ZSCAN18: variants seen among roughly 807,000 people sequenced by gnomAD.
ZSCAN18 encodes zinc finger and SCAN domain-containing protein 18.
In ZSCAN18, 16 loss-of-function variants were observed where a neutral mutation model predicts 31.1. The observed-to-expected ratio is 0.51, with a 90% CI of 0.35 to 0.78. The LOEUF is 0.78. ZSCAN18 is among the 30% of genes least tolerant of loss of function. ZSCAN18 has a pLI of 0.01. For synonymous variants in ZSCAN18, 375 were observed against 320.7 expected, an observed-to-expected ratio of 1.17 and a Z score of -1.81; for missense variants, 731 against 697.4, an observed-to-expected ratio of 1.05 and a Z score of -0.54.
chr19:58,085,411 C>T, intron 6 of ZSCAN18, 32 bp from the exon 7 acceptor site: 1 of 1,530,668 alleles, frequency 6.5e-7, no homozygotes, highest in Non-Finnish European at 8.7e-7. Flanking sequence ...AGCGTGAGCG[C>T]CCCGCCCAGG....
At chr19:58,106,518 C>T (rs866710525) in intron 1 of ZSCAN18, among the ~76,000 whole-genome samples, 1 of 28,404 alleles carries the variant, frequency 3.5e-5, no homozygotes, top group Non-Finnish European at 1.2e-4. Context: ...CCGGCTAAAA[C>T]GGTGAAACCC....
exon 1 of ZSCAN18, chr19:58,118,300 G>A (rs756071293): frequency 6.6e-7 from 1 of 1,512,612 alleles, no homozygotes; most frequent in Non-Finnish European, 8.9e-7. Context: ...ACCGGTGGGC[G>A]GGAACGGAGG....
intron 1 of ZSCAN18, chr19:58,108,598 C>T (rs1482978890): frequency 2.0e-5 from 20 of 985,478 alleles, no homozygotes; most frequent in South Asian, 1.9e-4. Flanking sequence ...GGTATAAGGG[C>T]TCTCTCCAGT....
intron 1 of ZSCAN18, among the ~76,000 whole-genome samples, chr19:58,097,123 T>C (rs1173167645): frequency 6.6e-6 from 1 of 151,938 alleles, no homozygotes; most frequent in African/African-American, 2.4e-5. Flanking sequence ...GGAGGTGACA[T>C]GGAACCAAGT....
chr19:58,117,037 G>C (rs1041381563), intron 1 of ZSCAN18, among the ~76,000 whole-genome samples: 2 of 152,076 alleles, frequency 1.3e-5, no homozygotes, highest in Admixed American at 6.6e-5. Context: ...AAAAGCGCGT[G>C]CTTTAGGGGA....
At position 58,104,389 on chromosome 19, in the gene ZSCAN18, AAACAAAACAAAAC is replaced by A. The variant is rs1482843172; in HGVS notation, c.130+13865_130+13877del. On this transcript the variant is annotated intron_variant, in intron 1 of 1. Transcript: ENST00000595721. The stretch of plus-strand genomic sequence containing the variant: ...GTGAGGCTGTCTCAAAAACAAAACA[AAACAAAACAAAAC>A]AAAAAAAAAGTCTGGGCCGGGTGTG... Among the ~76,000 whole-genome samples the A allele has an allele frequency of 9.3e-4, 124 of 132,984 alleles. 1 individual carries two copies. Among genetic ancestry groups the A allele is most frequent in the African/African-American group, 4.9e-3 (119 of 24,132 alleles). The allele number at this position is 132,984 out of a possible 152,430, so 87.2% of individuals were successfully genotyped here.
At chr19:58,085,530 T>C in intron 6 of ZSCAN18, 151 bp from the exon 7 acceptor site, 1 of 679,160 alleles carries the variant, frequency 1.5e-6, no homozygotes, top group Non-Finnish European at 2.4e-6. Flanking sequence ...GCGCTGTCCC[T>C]CCCAGGCAGC....
upstream of ZSCAN18, among the ~76,000 whole-genome samples, chr19:58,101,519 C>CTT (rs59435037): frequency 1.8e-4 from 10 of 55,410 alleles, no homozygotes; most frequent in East Asian, 2.0e-3. Context: ...TTATCTTCTT[C>CTT]TTTTTTTTTT....
chr19:58,092,272 C>T (rs2074428171), intron 1 of ZSCAN18, among the ~76,000 whole-genome samples: 1 of 151,982 alleles, frequency 6.6e-6, no homozygotes, highest in African/African-American at 2.4e-5. Context: ...GTTTAAAAAA[C>T]AAAACAAAAC....
chr19:58,097,395 C>A (rs1337665200), intron 1 of ZSCAN18, among the ~76,000 whole-genome samples: 1 of 151,856 alleles, frequency 6.6e-6, no homozygotes, highest in Non-Finnish European at 1.5e-5. Context: ...GGCCCCCACC[C>A]CAACCCCCTG....
In ZSCAN18 at chr19:58,087,543, T is replaced by C. The variant is rs879672958; in HGVS notation, c.554-139A>G. 8 of 703,708 alleles carry C rather than the reference T, an allele frequency of 1.1e-5. No homozygotes were observed. In the Admixed American group the frequency reaches 1.4e-4, roughly 12 times the overall value. 43.6% of individuals were successfully genotyped at this position (703,708 alleles called of 1,614,324 possible). A position where few individuals can be genotyped will look rare whatever the true frequency, so the allele number is the denominator to read the frequency against. Reference sequence around the variant, plus strand: ...GCAGCACCCAAGGCTCAACGGACACTACACCTTTCCCTGATTTACAAAGCA... The same window carrying C: ...GCAGCACCCAAGGCTCAACGGACACCACACCTTTCCCTGATTTACAAAGCA... On this transcript the variant is annotated intron_variant, in intron 3 of 6. Coordinates refer to ENST00000601144, the MANE Select transcript of ZSCAN18 (RefSeq NM_001145543.2).
chr19:58,115,178 C>T (rs2074719883), intron 1 of ZSCAN18, among the ~76,000 whole-genome samples: 1 of 152,208 alleles, frequency 6.6e-6, no homozygotes, highest in Non-Finnish European at 1.5e-5. Flanking sequence ...AACTGGCCCT[C>T]TAGCTGCTCC....
At chr19:58,092,123 G>A (rs1231194386) in intron 1 of ZSCAN18, among the ~76,000 whole-genome samples, 1 of 152,186 alleles carries the variant, frequency 6.6e-6, no homozygotes, top group Non-Finnish European at 1.5e-5. Context: ...GGGGGAATGA[G>A]GAGGGACTGC....
At chr19:58,103,021 C>T (rs2074607511), upstream of ZSCAN18, among the ~76,000 whole-genome samples, 1 of 151,928 alleles carries the variant, frequency 6.6e-6, no homozygotes, top group Non-Finnish European at 1.5e-5. Context: ...ACTTGGGAGG[C>T]CGAGGCAGCA....
chr19:58,095,656 G>T (rs540716256), intron 1 of ZSCAN18, among the ~76,000 whole-genome samples: 126 of 152,324 alleles, frequency 8.3e-4, no homozygotes, highest in African/African-American at 2.9e-3. Context: ...GCCATTGGCA[G>T]GGGCGGGATG....
Position 58,090,041 on chromosome 19 carries a change from T to C in ZSCAN18, c.227A>G (p.Gln76Arg). 1 of 1,613,982 alleles carries C rather than the reference T, an allele frequency of 6.2e-7. No individual in the cohort carries two copies. The highest frequency in any genetic ancestry group is 1.1e-5 in the South Asian group (1 of 91,082). Reference sequence around the variant, plus strand: ...GGAGCGCGCCTCAGGCATCAGCCACTGGCGGCACAGCTCATGCAGCCGGGC... The same window carrying C: ...GGAGCGCGCCTCAGGCATCAGCCACCGGCGGCACAGCTCATGCAGCCGGGC... ...TLARLHELCR[Q>R]WLMPEARSKE... Residue 76 changes from glutamine (Q) to arginine (R), a missense_variant, in exon 2 of 7, where the codon CAG becomes CGG. Physicochemically the swap from Gln to Arg is conservative, Grantham distance 43. This residue lies in a region of ZSCAN18 where 86 missense variants were observed against 119.1 expected (regional missense o/e 0.72). Transcript: ENST00000601144. The surrounding 1 kb of genome is among the most constrained non-coding windows in gnomAD (Gnocchi z 4.7).
chr19:58,085,154 A>G lies in ZSCAN18; in HGVS notation c.1064T>C (p.Ile355Thr), dbSNP rs1322840987. The part of the protein sequence containing the change: ...SATGSQRQSV[I>T]QQPAPDRGTA... ...GCCCCTGTCCGGGGCAGGCTGCTGG[A>G]TGACGGACTGCCTCTGCGATCCGGT... Residue 355 changes from isoleucine (I) to threonine (T), a missense_variant, in exon 7 of 7, where the codon ATC becomes ACC. Physicochemically the swap from Ile to Thr is moderately conservative, Grantham distance 89. Coordinates refer to ENST00000601144, the MANE Select transcript of ZSCAN18 (RefSeq NM_001145543.2). 1 of 1,610,810 alleles carries G rather than the reference A, an allele frequency of 6.2e-7. No individual in the cohort carries two copies. The highest frequency in any genetic ancestry group is 8.5e-7 in the Non-Finnish European group (1 of 1,179,168).
In ZSCAN18 at chr19:58,088,804, G is replaced by A. The variant is rs773660625; in HGVS notation, c.437C>T (p.Ser146Leu). Residue 146 changes from serine (S) to leucine (L), a missense_variant, in exon 3 of 7, where the codon TCA becomes TTA. Coordinates refer to ENST00000601144, the MANE Select transcript of ZSCAN18 (RefSeq NM_001145543.2). The part of the protein sequence containing the change: ...MLLGSPAGSS[S>L]ILSDGVYERH... Reference sequence around the variant, plus strand: ...CTCGTACACTCCATCGCTAAGAATTGAGGATGAGCCCGCAGGGGAGCCCAG... The same window carrying A: ...CTCGTACACTCCATCGCTAAGAATTAAGGATGAGCCCGCAGGGGAGCCCAG... 1 of 1,612,988 alleles carries A rather than the reference G, an allele frequency of 6.2e-7. No homozygotes were observed. The highest frequency in any genetic ancestry group is 1.1e-5 in the South Asian group (1 of 91,078).
chr19:58,102,201 G>A (rs2074599807), upstream of ZSCAN18, among the ~76,000 whole-genome samples: 1 of 152,140 alleles, frequency 6.6e-6, no homozygotes, highest in Non-Finnish European at 1.5e-5. Flanking sequence ...GTTCACGCCT[G>A]TAATCCCAGC....
Sources: gnomAD v4.1 joint callset for allele counts (sites outside exome capture counted in the v4.1 genomes callset) on GRCh38, gnomAD v4.1.1 for gene constraint, gnomAD v4.1.1 regional missense constraint, Gnocchi (gnomAD v3.1) non-coding constraint, MANE v1.5 for transcripts, NCBI Gene and HGNC (gene_info 2026-07-23, HGNC 2026-07-21) for gene names.